The following CAPZB variants were observed in gnomAD, a reference collection of about 807,000 sequenced individuals.
The protein encoded by CAPZB is F-actin-capping protein subunit beta.
A neutral mutation model predicts 38.1 loss-of-function variants in CAPZB; 2 were observed. That is an observed-to-expected ratio of 0.05 (90% CI 0.02 to 0.17). The LOEUF is 0.17. Among genes scored for constraint, CAPZB ranks in the 10% least tolerant of loss-of-function variants. The probability of loss-of-function intolerance (pLI) is 1.00; values close to 1 mark genes in which losing one functional copy is unlikely to be tolerated. For synonymous variants in CAPZB, 107 were observed against 127.4 expected (o/e 0.84, Z 1.08); for missense variants, 161 against 334.2 (o/e 0.48, Z 4.04).
chr1:19,346,650 T>C (rs557102364), intron 6 of CAPZB, among the ~76,000 whole-genome samples: 13 of 151,836 alleles, frequency 8.6e-5, no homozygotes, highest in Non-Finnish European at 1.8e-4. Flanking sequence ...TCAGGGAGAC[T>C]GACTTTCAGG....
intron 4 of CAPZB, among the ~76,000 whole-genome samples, chr1:19,366,307 TATAAATAA>T (rs1185510538): frequency 4.0e-5 from 3 of 74,168 alleles, no homozygotes; most frequent in Non-Finnish European, 8.5e-5. Context: ...TATATATATA[TATAAATAA>T]AATAAATGGT....
In CAPZB at chr1:19,485,466, C is replaced by T. The variant is rs2100837577; in HGVS notation, c.-28G>A. ...TGGCGGCGGCGGCGGCGGTCCCGGTCCCGGCGTCAGTGGCTCTCCCCCCCG... is the reference window on the plus strand; with the variant it reads ...TGGCGGCGGCGGCGGCGGTCCCGGTTCCGGCGTCAGTGGCTCTCCCCCCCG... On this transcript the variant is annotated 5_prime_UTR_variant, in exon 1 of 9. Transcript: ENST00000264202. 8.1e-7 allele frequency: 1 copy of T among 1,230,222 alleles called. No individual in the cohort carries two copies. Among genetic ancestry groups the T allele is most frequent in the Non-Finnish European group, 1.0e-6 (1 of 987,354 alleles). 76.2% of individuals were successfully genotyped at this position (1,230,222 alleles called of 1,614,324 possible).
At chr1:19,396,515 C>T (rs1570122463) in intron 2 of CAPZB, among the ~76,000 whole-genome samples, 1 of 152,178 alleles carries the variant, frequency 6.6e-6, no homozygotes, top group African/African-American at 2.4e-5. Context: ...CGCTGCCCCT[C>T]GTACCCTACA....
intron 1 of CAPZB, among the ~76,000 whole-genome samples, chr1:19,435,022 A>T (rs1199969894): frequency 1.5e-5 from 2 of 133,932 alleles, no homozygotes; most frequent in Non-Finnish European, 3.3e-5. Flanking sequence ...ACTCATTATA[A>T]TATGGAATTA....
rs530337002 is a variant in CAPZB at position 19,347,186 on chromosome 1, C to T, written c.589-1934G>A. Among the ~76,000 whole-genome samples, 7 of 152,146 alleles carry T rather than the reference C, an allele frequency of 4.6e-5. No homozygotes were observed. In the East Asian group the frequency reaches 9.7e-4, roughly 21 times the overall value. ...AGGAAGAATGGCCTCTGCAAGGAAA[C>T]GCTAGCTCGAAACTGATCCAGACAA... On this transcript the variant is annotated intron_variant, in intron 6 of 8. Coordinates refer to ENST00000264202, the MANE Select transcript of CAPZB (RefSeq NM_004930.5).
At chr1:19,465,557 A>G (rs893798788) in intron 1 of CAPZB, among the ~76,000 whole-genome samples, 4 of 152,168 alleles carry the variant, frequency 2.6e-5, no homozygotes, top group Non-Finnish European at 5.9e-5. Context: ...CTTGAGCTCT[A>G]ATTCTTTCAA....
At chr1:19,342,665 C>T (rs1569854359) in intron 8 of CAPZB, 1 of 815,532 alleles carries the variant, frequency 1.2e-6, no homozygotes, top group South Asian at 1.4e-5. Flanking sequence ...TAAATGGCCG[C>T]GGAGCAGCAG....
chr1:19,422,930 T>C (rs1221883319), intron 1 of CAPZB, among the ~76,000 whole-genome samples: 1 of 152,182 alleles, frequency 6.6e-6, no homozygotes, highest in Non-Finnish European at 1.5e-5. Flanking sequence ...CTGAGCAGTG[T>C]TATCTAGGAA....
chr1:19,400,405 A>G (rs2094296967), intron 2 of CAPZB, among the ~76,000 whole-genome samples: 1 of 152,166 alleles, frequency 6.6e-6, no homozygotes, highest in Admixed American at 6.5e-5. Context: ...AAGCAGACTG[A>G]GCGTGCCATG....
chr1:19,475,404 A>G (rs2050827), intron 1 of CAPZB, among the ~76,000 whole-genome samples: 134,064 of 152,224 alleles, frequency 0.88, 60,723 homozygotes, highest in East Asian at 1. Context: ...GTGTGACTTC[A>G]GGCCAAGCGC....
rs1426261295 is a variant in CAPZB at position 19,450,106 on chromosome 1, T to C, written c.4-30356A>G. Among the ~76,000 whole-genome samples the C allele has an allele frequency of 4.7e-5, 6 of 127,842 alleles. No individual in the cohort carries two copies. The Admixed American group carries it at 6.0e-4, about 13-fold the overall frequency. 83.9% of individuals were successfully genotyped at this position (127,842 alleles called of 152,430 possible). A position where few individuals can be genotyped will look rare whatever the true frequency, so the allele number is the denominator to read the frequency against. On this transcript the variant is annotated intron_variant, in intron 1 of 8. Coordinates refer to ENST00000264202, the MANE Select transcript of CAPZB (RefSeq NM_004930.5). ...CTGCAGTGAGCAGGAATTGTACCATTGCACTCCAACCTGGGCAACAGAGCA... is the reference window on the plus strand; with the variant it reads ...CTGCAGTGAGCAGGAATTGTACCATCGCACTCCAACCTGGGCAACAGAGCA...
intron 1 of CAPZB, among the ~76,000 whole-genome samples, chr1:19,460,650 C>G (rs767841137): frequency 7.1e-6 from 1 of 140,274 alleles, no homozygotes; most frequent in African/African-American, 2.7e-5. Context: ...TGAGCTCAAG[C>G]GATCCACCCA....
chr1:19,410,338 TC>T (rs1326238179), intron 2 of CAPZB, among the ~76,000 whole-genome samples: 1 of 152,178 alleles, frequency 6.6e-6, no homozygotes, highest in Non-Finnish European at 1.5e-5. Flanking sequence ...TACTGAACCA[TC>T]CCGTTGGTTC....
rs71008147 is a variant in CAPZB, at chr1:19,356,315, A to AACAGGGC, written c.588+313_588+319dup. ...GCTGGGCATGGCCACAGAGACGGCAAACAGGGCCAAGCACCACTTCTCACA... is the reference window on the plus strand; with the variant it reads ...GCTGGGCATGGCCACAGAGACGGCAAACAGGGCACAGGGCCAAGCACCACTTCTCACA... On this transcript the variant is annotated intron_variant, in intron 6 of 8. Transcript: ENST00000264202. This position sits in a 1 kb window ranked among gnomAD's most constrained non-coding sequence, Gnocchi z 4.3. 0.33 allele frequency among the ~76,000 whole-genome samples: 50,004 copies of AACAGGGC among 151,446 alleles called. 9,046 individuals carry two copies. Among genetic ancestry groups the AACAGGGC allele is most frequent in the East Asian group, 0.55 (2,766 of 5,052 alleles).
chr1:19,386,219 G>A (rs1430341731), intron 2 of CAPZB, among the ~76,000 whole-genome samples: 2 of 152,170 alleles, frequency 1.3e-5, no homozygotes, highest in Non-Finnish European at 1.5e-5. Context: ...GCCTGCCAGG[G>A]GGCCGCCTCA....
intron 1 of CAPZB, among the ~76,000 whole-genome samples, chr1:19,464,665 G>C (rs748555579): frequency 3.9e-5 from 6 of 152,080 alleles, no homozygotes; most frequent in Non-Finnish European, 7.3e-5. Context: ...TTCATCAACT[G>C]CTGAATGGTA....
At chr1:19,478,551 G>A (rs2094615336) in intron 1 of CAPZB, among the ~76,000 whole-genome samples, 1 of 152,216 alleles carries the variant, frequency 6.6e-6, no homozygotes. Flanking sequence ...TCAGAAACAT[G>A]TGGGGTGACC....
chr1:19,465,834 G>C (rs1475343226), intron 1 of CAPZB, among the ~76,000 whole-genome samples: 2 of 152,146 alleles, frequency 1.3e-5, no homozygotes, highest in African/African-American at 4.8e-5. Context: ...CAGGTGCTAC[G>C]ACTCATTTGA....
rs184620090 is a variant in CAPZB, at chr1:19,357,709, G to A, written c.330-146C>T. 1.3e-5 allele frequency: 9 copies of A among 703,012 alleles called. No individual in the cohort carries two copies. In the East Asian group the frequency reaches 1.6e-4, roughly 13 times the overall value. 43.5% of individuals were successfully genotyped at this position (703,012 alleles called of 1,614,324 possible). ...GCCGATCCTTGGGTGTGTTCTGATC[G>A]TTCTGTGGCTGGGGGAGGGGGTGCA... On this transcript the variant is annotated intron_variant, in intron 4 of 8. Transcript: ENST00000264202. This position sits in a 1 kb window ranked among gnomAD's most constrained non-coding sequence, Gnocchi z 4.3.
Sources: gnomAD v4.1 joint callset for allele counts (sites outside exome capture counted in the v4.1 genomes callset) on GRCh38, gnomAD v4.1.1 for gene constraint, Gnocchi (gnomAD v3.1) non-coding constraint, MANE v1.5 for transcripts, NCBI Gene and HGNC (gene_info 2026-07-23, HGNC 2026-07-21) for gene names.